The following PAPPA2 variants were observed in gnomAD, a reference collection of about 807,000 sequenced individuals.
The protein encoded by PAPPA2 is pappalysin-2.
PAPPA2 carries 86 observed loss-of-function variants against 176.4 expected under a neutral mutation model. The ratio of observed to expected loss-of-function variants is 0.49; its 90% CI spans 0.41 to 0.58. The LOEUF is 0.58. Ranked by LOEUF, PAPPA2 falls within the 20% of genes least tolerant of loss-of-function variation. PAPPA2 has a pLI of 0.00. For synonymous variants in PAPPA2, 809 were observed against 852.2 expected (o/e 0.95, Z 0.88); for missense variants, 2,073 against 2,256.9 (o/e 0.92, Z 1.65).
chr1:176,689,772 C>T lies in PAPPA2; in HGVS notation c.2138-365C>T, dbSNP rs144890294. ...AAAATGTCGTTTTGTGAACCTCATC[C>T]TCAAAGGTTTGGATTCAATTCATCT... is the stretch of plus-strand genomic sequence containing the variant. On this transcript the variant is annotated intron_variant, in intron 4 of 22. Transcript: ENST00000367662. Among the ~76,000 whole-genome samples the T allele has an allele frequency of 2.2e-3, 337 of 152,268 alleles. 2 individuals carry two copies. Among genetic ancestry groups the T allele is most frequent in the African/African-American group, 7.7e-3 (318 of 41,524 alleles).
intron 3 of PAPPA2, among the ~76,000 whole-genome samples, chr1:176,612,684 A>G (rs1380633317): frequency 2.0e-5 from 3 of 152,238 alleles, no homozygotes; most frequent in Non-Finnish European, 4.4e-5. Context: ...GAAGCTATGT[A>G]GTGTAATGAA....
At chr1:176,740,707 C>A (rs1267422045) in intron 14 of PAPPA2, among the ~76,000 whole-genome samples, 6 of 152,154 alleles carry the variant, frequency 3.9e-5, no homozygotes, top group Non-Finnish European at 7.4e-5. Context: ...ATCCTCTAGA[C>A]AGATGTGGCT....
chr1:176,712,107 A>C, intron 12 of PAPPA2, 126 bp downstream of exon 12: 10 of 1,176,530 alleles, frequency 8.5e-6, no homozygotes, highest in Middle Eastern at 2.8e-4. Flanking sequence ...TTGTTATCTC[A>C]AAGTGTTAAT....
At chr1:176,782,192 C>A (rs181082285) in intron 17 of PAPPA2, among the ~76,000 whole-genome samples, 19 of 152,278 alleles carry the variant, frequency 1.2e-4, no homozygotes, top group African/African-American at 4.6e-4. Context: ...TAACCCCAGG[C>A]AAGTTATTTT....
intron 1 of PAPPA2, among the ~76,000 whole-genome samples, chr1:176,496,995 A>G (rs115835382): frequency 5.8e-4 from 88 of 152,074 alleles, no homozygotes; most frequent in African/African-American, 2.1e-3. Context: ...TTTTTTAACT[A>G]GACAGAAAGA....
chr1:176,531,480 A>C (rs564723086), intron 1 of PAPPA2, among the ~76,000 whole-genome samples: 21 of 152,334 alleles, frequency 1.4e-4, no homozygotes, highest in African/African-American at 5.1e-4. Flanking sequence ...AACCTATCCT[A>C]GGTGCTGGGA....
chr1:176,769,675 C>T lies in PAPPA2; in HGVS notation c.4392C>T (p.Cys1464=), dbSNP rs116269563. The change falls in exon 16 of 23, where the codon TGC becomes TGT. Residue 1464 remains cysteine (C), a synonymous_variant. Coordinates refer to ENST00000367662, the MANE Select transcript of PAPPA2 (RefSeq NM_020318.3). ...DQNVSCLPVD[C]GVPDPSLVNY... The stretch of plus-strand genomic sequence containing the variant: ...ATGTGAGCTGCCTTCCCGTGGACTG[C>T]GGTGTTCCCGACCCGTCTTTGGTGA... 824 of 1,613,878 alleles carry T rather than the reference C, an allele frequency of 5.1e-4. 6 individuals carry two copies. In the African/African-American group the frequency reaches 8.1e-3, roughly 16 times the overall value.
intron 12 of PAPPA2, among the ~76,000 whole-genome samples, chr1:176,735,402 C>G (rs1662352332): frequency 6.6e-6 from 1 of 152,094 alleles, no homozygotes; most frequent in African/African-American, 2.4e-5. Context: ...AGATTCTTTT[C>G]AAGTTTGTGG....
At chr1:176,645,931 C>T (rs1017973922) in intron 3 of PAPPA2, among the ~76,000 whole-genome samples, 4 of 151,396 alleles carry the variant, frequency 2.6e-5, no homozygotes, top group African/African-American at 2.4e-5. Flanking sequence ...GATTTTAAAT[C>T]GGATTATTAT....
At chr1:176,519,706 T>C (rs1455042866) in intron 1 of PAPPA2, among the ~76,000 whole-genome samples, 2 of 152,202 alleles carry the variant, frequency 1.3e-5, no homozygotes, top group Admixed American at 6.5e-5. Flanking sequence ...GTCCACATAA[T>C]TAATCACAAC....
chr1:176,702,644 C>G lies in PAPPA2; in HGVS notation c.3274C>G (p.Leu1092Val). The change falls in exon 9 of 23, where the codon CTA (leucine) becomes GTA (valine). Residue 1092 changes from leucine (L) to valine (V), a missense_variant. By Grantham distance (32) the Leu-to-Val change is conservative (BLOSUM62 1). This residue lies in a region of PAPPA2 where 846 missense variants were observed against 857.9 expected (regional missense o/e 0.99). Coordinates refer to ENST00000367662, the MANE Select transcript of PAPPA2 (RefSeq NM_020318.3). ...TGGACAGATGTATCAGTACCAAGTT[C>G]TAGCTGAAGCTGGAGGAGAACTGGG... ...TPGQMYQYQV[L>V]AEAGGELGEA... is the part of the protein sequence containing the mutation. 2 of 1,614,118 alleles carry G rather than the reference C, an allele frequency of 1.2e-6. No individual in the cohort carries two copies. The highest frequency in any genetic ancestry group is 1.7e-6 in the Non-Finnish European group (2 of 1,180,014).
At chr1:176,675,341 C>T (rs1297290145) in intron 4 of PAPPA2, among the ~76,000 whole-genome samples, 2 of 151,986 alleles carry the variant, frequency 1.3e-5, no homozygotes, top group Admixed American at 1.3e-4. Context: ...ACAAACAAAT[C>T]ATACACAATA....
intron 14 of PAPPA2, among the ~76,000 whole-genome samples, chr1:176,756,678 G>A (rs1017868863): frequency 9.2e-5 from 14 of 152,228 alleles, no homozygotes; most frequent in Middle Eastern, 3.4e-3. Context: ...TTTCTCTTCA[G>A]AAAGACAGGG....
chr1:176,731,737 A>G (rs1458622396), intron 12 of PAPPA2, among the ~76,000 whole-genome samples: 1 of 149,766 alleles, frequency 6.7e-6, no homozygotes, highest in Non-Finnish European at 1.5e-5. Flanking sequence ...GTGTACATAT[A>G]CATGCGTACA....
intron 21 of PAPPA2, among the ~76,000 whole-genome samples, chr1:176,802,328 ACT>A (rs2102951478): frequency 6.6e-6 from 1 of 152,230 alleles, no homozygotes; most frequent in African/African-American, 2.4e-5. Context: ...AGGAGAAACA[ACT>A]CTGAAGAAAT....
At chr1:176,623,370 A>G (rs1655701433) in intron 3 of PAPPA2, among the ~76,000 whole-genome samples, 1 of 152,174 alleles carries the variant, frequency 6.6e-6, no homozygotes, top group Admixed American at 6.5e-5. Flanking sequence ...CTGTTGCCAC[A>G]TGGCTCATTG....
chr1:176,497,012 G>A (rs550177488), intron 1 of PAPPA2, among the ~76,000 whole-genome samples: 51 of 152,046 alleles, frequency 3.4e-4, no homozygotes, highest in South Asian at 1.2e-3. Flanking sequence ...AAGAGATTTG[G>A]ACTTACATCT....
chr1:176,689,118 A>G (rs980280386), intron 4 of PAPPA2, among the ~76,000 whole-genome samples: 4 of 152,176 alleles, frequency 2.6e-5, no homozygotes, highest in Non-Finnish European at 5.9e-5. Flanking sequence ...GGATGTTGAC[A>G]TTCTCTGTCT....
At chr1:176,540,982 G>A (rs1650335733) in intron 1 of PAPPA2, among the ~76,000 whole-genome samples, 1 of 152,152 alleles carries the variant, frequency 6.6e-6, no homozygotes, top group Admixed American at 6.5e-5. Flanking sequence ...GGCATTTGGG[G>A]CTAAGAACCA....
Sources: allele counts gnomAD v4.1 joint callset (sites outside exome capture counted in the v4.1 genomes callset), GRCh38; gene constraint gnomAD v4.1.1; regional missense constraint gnomAD v4.1.1; transcripts MANE v1.5; gene names NCBI Gene and HGNC (gene_info 2026-07-23, HGNC 2026-07-21).